The following DST variants were observed in gnomAD, a reference collection of about 807,000 sequenced individuals.
DST encodes dystonin.
Under a neutral mutation model 875.2 loss-of-function variants are expected in DST, and 253 were observed. The ratio of observed to expected loss-of-function variants is 0.29; its 90% confidence interval spans 0.26 to 0.32. DST has a LOEUF of 0.32. Ranked by LOEUF, DST falls within the 10% of genes least tolerant of loss-of-function variation. DST has a pLI of 1.00. For missense variants in DST, 8,287 were observed against 9,111.6 expected (o/e 0.91, Z 3.68); for synonymous variants, 3,124 against 3,197.1 (o/e 0.98, Z 0.77).
At chr6:56,539,196 T>C (rs1187519745) in intron 61 of DST, among the ~76,000 whole-genome samples, 1 of 152,096 alleles carries the variant, frequency 6.6e-6, no homozygotes, top group African/African-American at 2.4e-5. Context: ...ATTTCAGGGG[T>C]TTATATTGGA....
intron 9 of DST, among the ~76,000 whole-genome samples, chr6:56,677,651 G>T (rs1365300719): frequency 6.6e-6 from 1 of 152,116 alleles, no homozygotes; most frequent in Non-Finnish European, 1.5e-5. Flanking sequence ...GCTTCCTAAA[G>T]CTTTTCACCA....
intron 5 of DST, among the ~76,000 whole-genome samples, chr6:56,713,710 T>A (rs902264397): frequency 1.3e-5 from 2 of 152,180 alleles, no homozygotes; most frequent in Admixed American, 6.5e-5. Flanking sequence ...GAGCATTATT[T>A]CCTAAGGTGA....
At chr6:56,674,050 A>G (rs1253014298) in intron 9 of DST, among the ~76,000 whole-genome samples, 1 of 152,234 alleles carries the variant, frequency 6.6e-6, no homozygotes, top group Non-Finnish European at 1.5e-5. Flanking sequence ...GTTGTCATTC[A>G]TAATCCCTGA....
chr6:56,598,694 T>C lies in DST; in HGVS notation c.11710A>G (p.Met3904Val). The C allele has an allele frequency of 6.3e-7, 1 of 1,586,754 alleles. No homozygotes were observed. The highest frequency in any genetic ancestry group is 8.6e-7 in the Non-Finnish European group (1 of 1,168,348). ...GCCAATGCCTGTGCACTTCCTTGCA[T>C]ATCTTTCTGTAATTCCTTATAACAC... ...QSKQEELQKD[M>V]QGSAQALAEV... Residue 3904 changes from methionine to valine, a missense_variant, in exon 46 of 104, where the codon ATG becomes GTG. Physicochemically the swap from Met to Val is conservative, Grantham distance 21 (BLOSUM62 1). Transcript: ENST00000680361.
At chr6:56,914,728 CAAT>C (rs1800136048) in intron 2 of DST, among the ~76,000 whole-genome samples, 1 of 152,122 alleles carries the variant, frequency 6.6e-6, no homozygotes, top group Admixed American at 6.5e-5. Context: ...ATTTAACATT[CAAT>C]GACAAGAAAG....
chr6:56,459,229 C>T lies in DST; in HGVS notation c.23233G>A (p.Gly7745Arg), dbSNP rs1342209888. 1.2e-6 allele frequency: 2 copies of T among 1,613,260 alleles called. No homozygotes were observed. Among genetic ancestry groups the T allele is most frequent in the Admixed American group, 1.7e-5 (1 of 59,910 alleles). The change falls in exon 104 of 104, where the codon GGA becomes AGA. Residue 7745 changes from glycine (G) to arginine (R), a missense_variant. Coordinates refer to ENST00000680361, the MANE Select transcript of DST (RefSeq NM_001374736.1). Reference sequence around the variant, plus strand: ...CTGGCCCTGCTGCCAGCTTTGCTTCCAGCTCGACTTCCTGGTCGGCTGGGA... The same window carrying T: ...CTGGCCCTGCTGCCAGCTTTGCTTCTAGCTCGACTTCCTGGTCGGCTGGGA... ...KTPSRPGSRA[G>R]SKAGSRASSR... is the part of the protein sequence containing the mutation.
intron 5 of DST, among the ~76,000 whole-genome samples, chr6:56,709,959 A>T (rs1161723569): frequency 2.0e-5 from 3 of 152,164 alleles, no homozygotes; most frequent in Admixed American, 6.5e-5. Context: ...ATGAAGCATG[A>T]GGTGGAAGAT....
chr6:56,588,300 G>A (rs1404413702), intron 49 of DST, among the ~76,000 whole-genome samples: 2 of 152,128 alleles, frequency 1.3e-5, no homozygotes, highest in Admixed American at 6.5e-5. Flanking sequence ...ATTTATTCAT[G>A]CTGGACCCAA....
At chr6:56,552,127 C>A in intron 61 of DST, 57 bp downstream of exon 61, 1 of 1,502,180 alleles carries the variant, frequency 6.7e-7, no homozygotes, top group Admixed American at 2.2e-5. Context: ...CCTTTCTAAG[C>A]AAATTAGAAA....
rs755880075 is a variant in DST at position 56,608,831 on chromosome 6, C to A, written c.5797G>T (p.Asp1933Tyr). ...TGTAAAGTACTTCTTTGTACCATAT[C>A]TATTAAAGAAACCTTCTCAGAGGTG... ...PCTSEKVSLI[D>Y]MVQRSTLQEN... The change falls in exon 40 of 104, where the codon GAT becomes TAT. Residue 1933 changes from aspartate (D) to tyrosine (Y), a missense_variant. By Grantham distance (160) the Asp-to-Tyr change is radical (BLOSUM62 -3). Coordinates refer to ENST00000680361, the MANE Select transcript of DST (RefSeq NM_001374736.1). 31 of 1,612,024 alleles carry A rather than the reference C, an allele frequency of 1.9e-5. No individual in the cohort carries two copies. Among genetic ancestry groups the A allele is most frequent in the Non-Finnish European group, 2.6e-5 (31 of 1,178,948 alleles).
At chr6:56,523,825 T>G (rs2096749071) in intron 69 of DST, among the ~76,000 whole-genome samples, 1 of 152,118 alleles carries the variant, frequency 6.6e-6, no homozygotes, top group Non-Finnish European at 1.5e-5. Flanking sequence ...GTGTGGCTGT[T>G]GGTAGGCTGG....
chr6:56,751,207 A>G (rs1301813066), intron 4 of DST, among the ~76,000 whole-genome samples: 1 of 152,200 alleles, frequency 6.6e-6, no homozygotes, highest in Non-Finnish European at 1.5e-5. Context: ...GTAGAAAAAC[A>G]TCCTAAACAT....
chr6:56,557,098 G>A (rs544154073), intron 59 of DST, among the ~76,000 whole-genome samples: 2 of 152,194 alleles, frequency 1.3e-5, no homozygotes, highest in Non-Finnish European at 2.9e-5. Flanking sequence ...CCATTCATGG[G>A]ATTCAAAGGA....
At chr6:56,476,389 T>C in intron 91 of DST, 52 bp from the exon 92 acceptor site, 2 of 1,401,778 alleles carry the variant, frequency 1.4e-6, no homozygotes, top group Non-Finnish European at 1.9e-6. Flanking sequence ...AGTAAAATAA[T>C]TGCAGTGATG....
intron 4 of DST, among the ~76,000 whole-genome samples, chr6:56,751,521 C>CT (rs2099587116): frequency 6.6e-6 from 1 of 152,110 alleles, no homozygotes; most frequent in Non-Finnish European, 1.5e-5. Flanking sequence ...TTGTACAATA[C>CT]TTTTTAAAAT....
Position 56,516,137 on chromosome 6 carries a change from GAGAGAGAGAGAAAGAGAA to G in DST, c.18358-487_18358-470del, listed in dbSNP as rs141125182. On this transcript the variant is annotated intron_variant, in intron 71 of 103. Transcript: ENST00000680361. ...ATATATAGAAAGAGAGAGAGGGAGA[GAGAGAGAGAGAAAGAGAA>G]AGAGAGAAAGAGAAAGAGAAAGAAA... Among the ~76,000 whole-genome samples, 73 of 84,854 alleles carry G rather than the reference GAGAGAGAGAGAAAGAGAA, an allele frequency of 8.6e-4. No individual in the cohort carries two copies. In the Middle Eastern group the frequency reaches 0.016, roughly 18 times the overall value. 55.7% of individuals were successfully genotyped at this position (84,854 alleles called of 152,430 possible).
At chr6:56,631,454 T>C in intron 29 of DST, 65 bp from the exon 30 acceptor site, 3 of 1,344,184 alleles carry the variant, frequency 2.2e-6, no homozygotes, top group Non-Finnish European at 3.2e-6. Flanking sequence ...TTTCTTAAAC[T>C]AGTTGAAAAA....
intron 7 of DST, among the ~76,000 whole-genome samples, chr6:56,702,830 T>C (rs1368994393): frequency 6.6e-6 from 1 of 152,092 alleles, no homozygotes; most frequent in Non-Finnish European, 1.5e-5. Context: ...AAAAAGACAA[T>C]TGACAGCTTG....
At chr6:56,596,441 T>G (rs2098388258) in intron 47 of DST, among the ~76,000 whole-genome samples, 2 of 152,202 alleles carry the variant, frequency 1.3e-5, no homozygotes, top group Admixed American at 1.3e-4. Context: ...ATCTTTATGT[T>G]TAAGTCTACC....
Sources: allele counts gnomAD v4.1 joint callset (sites outside exome capture counted in the v4.1 genomes callset), GRCh38; gene constraint gnomAD v4.1.1; transcripts MANE v1.5; gene names NCBI Gene and HGNC (gene_info 2026-07-23, HGNC 2026-07-21).